The following SIPA1L2 variants were observed in gnomAD, a reference collection of about 807,000 sequenced individuals.
The protein encoded by SIPA1L2 is signal induced proliferation associated 1 like 2.
SIPA1L2 carries 56 observed loss-of-function variants against 163.9 expected under a neutral mutation model. The ratio of observed to expected loss-of-function variants is 0.34; its 90% CI spans 0.28 to 0.43. SIPA1L2 has a LOEUF of 0.43. Among genes scored for constraint, SIPA1L2 ranks in the 20% least tolerant of loss-of-function variants. SIPA1L2 has a pLI of 1.00. For synonymous variants in SIPA1L2, 877 were observed against 865.7 expected, an observed-to-expected ratio of 1.01 and a Z score of -0.23; for missense variants, 1,974 against 2,193.5, an observed-to-expected ratio of 0.90 and a Z score of 2.00.
intron 22 of SIPA1L2, among the ~76,000 whole-genome samples, chr1:232,400,913 T>C (rs889655988): frequency 6.6e-6 from 1 of 152,184 alleles, no homozygotes; most frequent in Non-Finnish European, 1.5e-5. Context: ...CTCCAGTCTT[T>C]TAAAAATAAT....
intron 2 of SIPA1L2, among the ~76,000 whole-genome samples, chr1:232,560,646 T>C (rs1252764181): frequency 6.6e-6 from 1 of 152,192 alleles, no homozygotes; most frequent in African/African-American, 2.4e-5. Flanking sequence ...CCCAGAGGCC[T>C]CAGCCTTCAT....
At chr1:232,482,871 C>T (rs1277692811) in intron 6 of SIPA1L2, among the ~76,000 whole-genome samples, 1 of 152,234 alleles carries the variant, frequency 6.6e-6, no homozygotes, top group East Asian at 1.9e-4. Flanking sequence ...TTCCACTTCA[C>T]CATTCCTACT....
Position 232,513,902 on chromosome 1 carries a change from T to A in SIPA1L2, c.1438A>T (p.Ile480Phe). Residue 480 changes from isoleucine (I) to phenylalanine (F), a missense_variant, in exon 3 of 23, where the codon ATT becomes TTT. Physicochemically the swap from Ile to Phe is conservative, Grantham distance 21. Coordinates refer to ENST00000674635, the MANE Select transcript of SIPA1L2 (RefSeq NM_020808.5). The stretch of plus-strand genomic sequence containing the variant: ...CGGTAATAATAGGCCCCAAGGTCAA[T>A]GTGTTCTATGATGTAGCGCTTCACT... ...EKVKRYIIEH[I>F]DLGAYYYRKF... 1 of 1,606,314 alleles carries A rather than the reference T, an allele frequency of 6.2e-7. No homozygotes were observed. The highest frequency in any genetic ancestry group is 8.5e-7 in the Non-Finnish European group (1 of 1,177,620).
Position 232,403,494 on chromosome 1 carries a change from A to G in SIPA1L2, c.4894T>C (p.Leu1632=). 2 of 1,614,062 alleles carry G rather than the reference A, an allele frequency of 1.2e-6. No individual in the cohort carries two copies. Among genetic ancestry groups the G allele is most frequent in the African/African-American group, 1.3e-5 (1 of 75,030 alleles). Residue 1632 remains leucine (L), a synonymous_variant, in exon 21 of 23, where the codon TTA becomes CTA. Coordinates refer to ENST00000674635, the MANE Select transcript of SIPA1L2 (RefSeq NM_020808.5). ...TTGCCACTGCCTGGATCTACACATAAGGGCAGCTCTTGGGCCCCTTCCAGG... is the reference window on the plus strand; with the variant it reads ...TTGCCACTGCCTGGATCTACACATAGGGGCAGCTCTTGGGCCCCTTCCAGG... ...QDLEGAQELP[L]CVDPGSGKEF...
intron 18 of SIPA1L2, among the ~76,000 whole-genome samples, chr1:232,425,239 A>T (rs1572877554): frequency 6.7e-6 from 1 of 148,724 alleles, no homozygotes; most frequent in South Asian, 2.1e-4. Context: ...TGGAAAACCC[A>T]CTCCTTACAT....
At chr1:232,481,312 G>A (rs1438580653) in intron 6 of SIPA1L2, among the ~76,000 whole-genome samples, 1 of 152,150 alleles carries the variant, frequency 6.6e-6, no homozygotes, top group Non-Finnish European at 1.5e-5. Context: ...ACTCACTGAT[G>A]ACAAAACCAA....
chr1:232,462,092 T>A lies in SIPA1L2; in HGVS notation c.2821-931A>T. 3 of 881,548 alleles carry A rather than the reference T, an allele frequency of 3.4e-6. No individual in the cohort carries two copies. The South Asian group carries it at 4.3e-5, about 13-fold the overall frequency. 54.6% of individuals were successfully genotyped at this position (881,548 alleles called of 1,614,324 possible). On this transcript the variant is annotated intron_variant, in intron 9 of 22. Transcript: ENST00000674635. The stretch of plus-strand genomic sequence containing the variant: ...TACCTTACTCAAGAGTGAGAGAGAG[T>A]CAACAGCAGTTCCACAAAAAGGAAC...
intron 7 of SIPA1L2, among the ~76,000 whole-genome samples, chr1:232,474,129 G>A (rs1664922317): frequency 6.6e-6 from 1 of 152,168 alleles, no homozygotes; most frequent in Non-Finnish European, 1.5e-5. Context: ...GGCAAAACCT[G>A]ACGGTACTAT....
chr1:232,451,876 G>T (rs1025370756), intron 10 of SIPA1L2, among the ~76,000 whole-genome samples: 2 of 150,848 alleles, frequency 1.3e-5, no homozygotes, highest in Non-Finnish European at 2.9e-5. Context: ...TCAGCTCCAG[G>T]TTAAAAATAA....
At chr1:232,403,253 C>T (rs1660449705) in intron 21 of SIPA1L2, among the ~76,000 whole-genome samples, 195 bp downstream of exon 21, 1 of 152,198 alleles carries the variant, frequency 6.6e-6, no homozygotes, top group Admixed American at 6.5e-5. Context: ...AGGGGTCATG[C>T]AGCCAAGAGC....
chr1:232,428,866 C>G (rs1281656819), intron 16 of SIPA1L2, among the ~76,000 whole-genome samples: 2 of 152,154 alleles, frequency 1.3e-5, no homozygotes, highest in African/African-American at 4.8e-5. Context: ...CTTTCCTAAT[C>G]TGTGTCAGAA....
intron 6 of SIPA1L2, among the ~76,000 whole-genome samples, chr1:232,481,858 G>A (rs1441565172): frequency 6.6e-6 from 1 of 152,142 alleles, no homozygotes. Flanking sequence ...CCAACATCCT[G>A]AACTTTCCTT....
At chr1:232,425,949 G>A (rs902791284) in intron 17 of SIPA1L2, 141 bp from the exon 18 acceptor site, 16 of 720,868 alleles carry the variant, frequency 2.2e-5, no homozygotes, top group African/African-American at 1.2e-4. Flanking sequence ...AATGCCAAAC[G>A]CAGCATGCAG....
chr1:232,532,277 G>T (rs1657012385), intron 2 of SIPA1L2, among the ~76,000 whole-genome samples: 1 of 152,176 alleles, frequency 6.6e-6, no homozygotes, highest in African/African-American at 2.4e-5. Context: ...AGTCAAGAAT[G>T]ACTCCAGGAT....
At chr1:232,456,067 G>A (rs74744668) in intron 10 of SIPA1L2, among the ~76,000 whole-genome samples, 2,678 of 152,058 alleles carry the variant, frequency 0.018, 83 homozygotes, top group African/African-American at 0.06. Context: ...ATTTACCCAC[G>A]TAACACACCT....
At chr1:232,399,927 G>T (rs1391219730) in intron 22 of SIPA1L2, among the ~76,000 whole-genome samples, 1 of 152,138 alleles carries the variant, frequency 6.6e-6, no homozygotes, top group East Asian at 1.9e-4. Flanking sequence ...CGGTATTTCT[G>T]TAACGGGATC....
chr1:232,483,025 G>C (rs191428884), intron 6 of SIPA1L2, among the ~76,000 whole-genome samples: 58 of 152,274 alleles, frequency 3.8e-4, no homozygotes, highest in Non-Finnish European at 2.8e-4. Flanking sequence ...TGCTATTTCA[G>C]ATACTCATAG....
chr1:232,596,855 T>C (rs1018680052), intron 1 of SIPA1L2, among the ~76,000 whole-genome samples: 1 of 152,162 alleles, frequency 6.6e-6, no homozygotes, highest in Non-Finnish European at 1.5e-5. Flanking sequence ...CAGGGACTTA[T>C]CTGATTAGAA....
intron 11 of SIPA1L2, among the ~76,000 whole-genome samples, chr1:232,444,865 G>A (rs946721370): frequency 6.6e-6 from 1 of 152,178 alleles, no homozygotes; most frequent in African/African-American, 2.4e-5. Context: ...AAAACTCATG[G>A]CATTACCGTG....
Sources: gnomAD v4.1 joint callset for allele counts (sites outside exome capture counted in the v4.1 genomes callset) on GRCh38, gnomAD v4.1.1 for gene constraint, MANE v1.5 for transcripts, NCBI Gene and HGNC (gene_info 2026-07-23, HGNC 2026-07-21) for gene names.